NRXN1: variants seen among roughly 807,000 people sequenced by gnomAD.
The protein encoded by NRXN1 is neurexin 1, also known as neurexin-1.
In NRXN1, 39 loss-of-function variants were observed where a neutral mutation model predicts 150.9. That is an observed-to-expected ratio of 0.26 (90% confidence interval 0.20 to 0.34). The LOEUF (loss-of-function observed/expected upper bound fraction) is 0.34, where lower values mean the gene tolerates loss of function less well. NRXN1 is among the 10% of genes least tolerant of loss of function. The pLI is 1.00. For synonymous variants in NRXN1, 924 were observed against 757.0 expected, an observed-to-expected ratio of 1.22 and a Z score of -3.62; for missense variants, 1,815 against 1,949.9, an observed-to-expected ratio of 0.93 and a Z score of 1.30.
At chr2:50,863,450 T>C (rs1314873871) in intron 5 of NRXN1, among the ~76,000 whole-genome samples, 1 of 151,962 alleles carries the variant, frequency 6.6e-6, no homozygotes, top group African/African-American at 2.4e-5. Context: ...AGAGTAAACC[T>C]GCTTCAGAGT....
intron 19 of NRXN1, 116 bp downstream of exon 19, chr2:50,091,207 A>C (rs1699506979): frequency 8.4e-7 from 1 of 1,190,252 alleles, no homozygotes; most frequent in African/African-American, 1.5e-5. Context: ...AAAGTCCAAT[A>C]AATAGTTGAT....
intron 18 of NRXN1, among the ~76,000 whole-genome samples, chr2:50,114,699 C>T (rs563577258): frequency 1.3e-5 from 2 of 152,098 alleles, no homozygotes; most frequent in South Asian, 2.1e-4. Context: ...GCTATCAAGC[C>T]ATGAAAAAAC....
chr2:49,977,184 A>T (rs1160435175), intron 21 of NRXN1, among the ~76,000 whole-genome samples: 2 of 152,218 alleles, frequency 1.3e-5, no homozygotes, highest in Non-Finnish European at 2.9e-5. Flanking sequence ...TGGCCAAATT[A>T]AGTCAAAGAT....
chr2:50,307,201 C>T (rs868203332), intron 17 of NRXN1, among the ~76,000 whole-genome samples: 80 of 152,272 alleles, frequency 5.3e-4, no homozygotes, highest in African/African-American at 1.8e-3. Flanking sequence ...CCAGGCTGGT[C>T]TCGAACTCCT....
At chr2:50,590,349 GCTT>G (rs908466865) in intron 8 of NRXN1, among the ~76,000 whole-genome samples, 2 of 152,054 alleles carry the variant, frequency 1.3e-5, no homozygotes, top group Non-Finnish European at 2.9e-5. Context: ...ATACAATGCT[GCTT>G]CTTTATAATA....
chr2:50,037,760 T>G (rs543481518), intron 21 of NRXN1, among the ~76,000 whole-genome samples: 1 of 152,284 alleles, frequency 6.6e-6, no homozygotes, highest in Admixed American at 6.5e-5. Flanking sequence ...CTGGGAAGAT[T>G]AAAAGATTTT....
intron 8 of NRXN1, among the ~76,000 whole-genome samples, chr2:50,556,638 C>T (rs553646357): frequency 2.6e-5 from 4 of 151,866 alleles, no homozygotes; most frequent in Non-Finnish European, 4.4e-5. Context: ...AAGAATAGGG[C>T]GTAATATGTT....
At chr2:50,026,057 A>C (rs1382139168) in intron 21 of NRXN1, among the ~76,000 whole-genome samples, 2 of 152,200 alleles carry the variant, frequency 1.3e-5, no homozygotes, top group Non-Finnish European at 2.9e-5. Flanking sequence ...TATGGCTTGC[A>C]GACATGGCAT....
chr2:50,945,678 T>C (rs1230775260), intron 2 of NRXN1, among the ~76,000 whole-genome samples: 2 of 151,782 alleles, frequency 1.3e-5, no homozygotes, highest in African/African-American at 4.8e-5. Context: ...GCATACTGTA[T>C]AATCTTAGAA....
At chr2:50,223,576 C>G (rs2064088348) in intron 18 of NRXN1, among the ~76,000 whole-genome samples, 1 of 151,912 alleles carries the variant, frequency 6.6e-6, no homozygotes, top group African/African-American at 2.4e-5. Flanking sequence ...AATTTCAACT[C>G]TATTTCTCTG....
chr2:50,172,850 C>A (rs2060113872), intron 18 of NRXN1, among the ~76,000 whole-genome samples: 2 of 152,048 alleles, frequency 1.3e-5, no homozygotes, highest in South Asian at 4.1e-4. Flanking sequence ...GCCTGTAGTC[C>A]CAGCCACTTG....
chr2:50,249,801 CA>C, intron 17 of NRXN1, among the ~76,000 whole-genome samples: 1 of 151,928 alleles, frequency 6.6e-6, no homozygotes, highest in Non-Finnish European at 1.5e-5. Context: ...CTATGGCTGT[CA>C]AATTTTTATA....
chr2:50,065,848 G>A (rs1315296845), intron 19 of NRXN1, among the ~76,000 whole-genome samples: 4 of 152,122 alleles, frequency 2.6e-5, no homozygotes, highest in African/African-American at 9.7e-5. Context: ...ATGGAGAGAG[G>A]ATCCTAGTTG....
At chr2:50,813,795 C>T (rs1668552252) in intron 5 of NRXN1, among the ~76,000 whole-genome samples, 1 of 152,164 alleles carries the variant, frequency 6.6e-6, no homozygotes, top group Non-Finnish European at 1.5e-5. Context: ...ATCTCTTACC[C>T]CACTAAAAAG....
chr2:51,018,216 A>G (rs1468098090), intron 2 of NRXN1, among the ~76,000 whole-genome samples: 1 of 152,116 alleles, frequency 6.6e-6, no homozygotes, highest in African/African-American at 2.4e-5. Context: ...TTCTGATGTC[A>G]GGATATTAGT....
intron 21 of NRXN1, chr2:49,973,815 G>C (rs1678405799): frequency 1.7e-6 from 1 of 583,226 alleles, no homozygotes; most frequent in Admixed American, 3.1e-5. Context: ...CAATCTTCAA[G>C]AAGAAATATT....
chr2:50,814,995 T>G (rs764798751), intron 5 of NRXN1, among the ~76,000 whole-genome samples: 2 of 152,110 alleles, frequency 1.3e-5, no homozygotes, highest in African/African-American at 2.4e-5. Flanking sequence ...CTTAGAACTA[T>G]GTCATAGAAT....
chr2:50,872,613 AAAAAT>A (rs1309983984), intron 5 of NRXN1, among the ~76,000 whole-genome samples: 1 of 151,654 alleles, frequency 6.6e-6, no homozygotes, highest in Non-Finnish European at 1.5e-5. Context: ...AGAATAAAAT[AAAAAT>A]AAAATAAAAT....
chr2:50,330,603 C>T (rs2076777421), intron 17 of NRXN1, among the ~76,000 whole-genome samples: 1 of 152,086 alleles, frequency 6.6e-6, no homozygotes, highest in African/African-American at 2.4e-5. Context: ...AAGCAAGGAA[C>T]CATTTTAAAC....
Sources: allele counts gnomAD v4.1 joint callset (sites outside exome capture counted in the v4.1 genomes callset), GRCh38; gene constraint gnomAD v4.1.1; transcripts MANE v1.5; gene names NCBI Gene and HGNC (gene_info 2026-07-23, HGNC 2026-07-21).